The following AGBL4 variants were observed in gnomAD, a reference collection of about 807,000 sequenced individuals.
The protein encoded by AGBL4 is AGBL carboxypeptidase 4, also known as cytosolic carboxypeptidase 6.
A neutral mutation model predicts 66.4 loss-of-function variants in AGBL4; 58 were observed. The observed-to-expected ratio is 0.87, with a 90% CI of 0.71 to 1.09. The LOEUF (loss-of-function observed/expected upper bound fraction) is 1.09. Ranked by LOEUF, AGBL4 falls within the 50% of genes least tolerant of loss-of-function variation. AGBL4 has a pLI of 0.00. For missense variants in AGBL4, 579 were observed against 631.0 expected (o/e 0.92, Z 0.88); for synonymous variants, 234 against 222.9 (o/e 1.05, Z -0.44).
rs893115548 is a variant in AGBL4 at position 49,650,279 on chromosome 1, G to A, written c.282+47034C>T. Among the ~76,000 whole-genome samples, 3 of 152,184 alleles carry A rather than the reference G, an allele frequency of 2.0e-5. No homozygotes were observed. The East Asian group carries it at 5.8e-4, about 29-fold the overall frequency. ...GGAAAAAAGCTGGGGGCACAGAAAA[G>A]GAAGGCAGCAAGAATATGGCAAAGG... is the stretch of plus-strand genomic sequence containing the variant. On this transcript the variant is annotated intron_variant, in intron 3 of 13. Coordinates refer to ENST00000371839, the MANE Select transcript of AGBL4 (RefSeq NM_032785.4).
At position 49,546,783 on chromosome 1, in the gene AGBL4, CTTA is replaced by C. The variant is rs560428803; in HGVS notation, c.282+150527_282+150529del. On this transcript the variant is annotated intron_variant, in intron 3 of 13. Transcript: ENST00000371839. ...GTCATATTGTGCATTGTTTCATATG[CTTA>C]TTAGCCATTTGTATATCTTTTTTTG... Among the ~76,000 whole-genome samples the C allele has an allele frequency of 2.6e-3, 396 of 152,234 alleles. 2 individuals are homozygous for C. The highest frequency in any genetic ancestry group is 8.7e-3 in the African/African-American group (363 of 41,552).
intron 3 of AGBL4, among the ~76,000 whole-genome samples, chr1:49,646,332 C>A (rs537836345): frequency 6.6e-6 from 1 of 151,886 alleles, no homozygotes; most frequent in African/African-American, 2.4e-5. Flanking sequence ...AATAAGTGAG[C>A]TCAGCAAGAT....
intron 12 of AGBL4, among the ~76,000 whole-genome samples, chr1:48,539,240 G>A (rs767805602): frequency 7.2e-5 from 11 of 152,192 alleles, no homozygotes; most frequent in Non-Finnish European, 1.6e-4. Flanking sequence ...AATCATGTAT[G>A]TGAGGACTGC....
intron 3 of AGBL4, among the ~76,000 whole-genome samples, chr1:49,286,944 G>A (rs1404671450): frequency 1.3e-5 from 2 of 151,988 alleles, no homozygotes; most frequent in East Asian, 1.9e-4. Flanking sequence ...GAGGCATCAC[G>A]CTACCTGACT....
chr1:49,224,818 A>C (rs1649780771), intron 4 of AGBL4, among the ~76,000 whole-genome samples: 1 of 152,070 alleles, frequency 6.6e-6, no homozygotes, highest in African/African-American at 2.4e-5. Context: ...GGCTCACTTA[A>C]AAAAGGAGTC....
At chr1:48,597,799 A>AAGAGAAAGAAAGAG (rs149592274) in intron 9 of AGBL4, among the ~76,000 whole-genome samples, 2 of 149,492 alleles carry the variant, frequency 1.3e-5, no homozygotes, top group Non-Finnish European at 3.0e-5. Context: ...GAAGGGAAGA[A>AAGAGAAAGAAAGAG]AGAGAAAGAA....
chr1:49,455,995 G>T lies in AGBL4; in HGVS notation c.283-210131C>A, dbSNP rs565595552. 2.0e-4 allele frequency among the ~76,000 whole-genome samples: 30 copies of T among 151,758 alleles called. 1 individual carries two copies. Among genetic ancestry groups the T allele is most frequent in the African/African-American group, 6.5e-4 (27 of 41,458 alleles). On this transcript the variant is annotated intron_variant, in intron 3 of 13. Transcript: ENST00000371839. ...TATAGATAATGAGGGCAAGAACTTT[G>T]ATTTATTCACTACTACATCTCCAAC...
At chr1:48,577,946 A>G (rs1644680037) in intron 11 of AGBL4, among the ~76,000 whole-genome samples, 1 of 152,194 alleles carries the variant, frequency 6.6e-6, no homozygotes, top group African/African-American at 2.4e-5. Flanking sequence ...AGTGGAGCGA[A>G]CACACACTTT....
chr1:49,733,644 G>T (rs1320888709), intron 2 of AGBL4, among the ~76,000 whole-genome samples: 1 of 152,184 alleles, frequency 6.6e-6, no homozygotes, highest in Non-Finnish European at 1.5e-5. Context: ...CATTGCAACA[G>T]TGATGGGAGG....
At chr1:48,750,632 G>A (rs1651559823) in intron 6 of AGBL4, among the ~76,000 whole-genome samples, 2 of 152,202 alleles carry the variant, frequency 1.3e-5, no homozygotes, top group Admixed American at 6.5e-5. Flanking sequence ...ATTTCTCCGT[G>A]CCTAGCACAG....
chr1:48,632,317 A>C (rs984957668), intron 9 of AGBL4, among the ~76,000 whole-genome samples: 2 of 152,216 alleles, frequency 1.3e-5, no homozygotes, highest in African/African-American at 4.8e-5. Flanking sequence ...TTCATGACGC[A>C]AATCATTTCC....
chr1:49,853,481 G>C (rs1471552337), intron 1 of AGBL4, among the ~76,000 whole-genome samples: 1 of 152,044 alleles, frequency 6.6e-6, no homozygotes, highest in South Asian at 2.1e-4. Flanking sequence ...AAAAACAGCA[G>C]AGCATCCAAG....
At chr1:49,419,562 C>T (rs1284963264) in intron 3 of AGBL4, among the ~76,000 whole-genome samples, 1 of 152,182 alleles carries the variant, frequency 6.6e-6, no homozygotes, top group Non-Finnish European at 1.5e-5. Flanking sequence ...TCATCTCCCA[C>T]GTAGGCATCT....
chr1:49,601,706 G>A (rs1427527137), intron 3 of AGBL4, among the ~76,000 whole-genome samples: 1 of 152,168 alleles, frequency 6.6e-6, no homozygotes, highest in Non-Finnish European at 1.5e-5. Context: ...ATTAACTCAA[G>A]ATGGATTAGA....
At chr1:49,580,262 TC>T (rs945936641) in intron 3 of AGBL4, among the ~76,000 whole-genome samples, 1 of 152,198 alleles carries the variant, frequency 6.6e-6, no homozygotes, top group African/African-American at 2.4e-5. Flanking sequence ...TTTTTTAAAA[TC>T]CATTCAGACA....
the AGBL4 span, among the ~76,000 whole-genome samples, chr1:48,524,672 T>G: frequency 6.6e-6 from 1 of 152,236 alleles, no homozygotes; most frequent in Admixed American, 6.5e-5. Context: ...ATCTGTCATC[T>G]AATATTCAGT....
intron 2 of AGBL4, among the ~76,000 whole-genome samples, chr1:49,714,678 A>G (rs1647956556): frequency 6.6e-6 from 1 of 151,326 alleles, no homozygotes; most frequent in South Asian, 2.1e-4. Context: ...TCATCCATTC[A>G]TGGACTCTTG....
At chr1:49,314,231 C>T (rs1644996392) in intron 3 of AGBL4, among the ~76,000 whole-genome samples, 1 of 152,030 alleles carries the variant, frequency 6.6e-6, no homozygotes, top group Non-Finnish European at 1.5e-5. Flanking sequence ...GTCTATGTAT[C>T]TGTTACTTTT....
At chr1:49,525,786 G>A (rs1439686717) in intron 3 of AGBL4, among the ~76,000 whole-genome samples, 1 of 151,962 alleles carries the variant, frequency 6.6e-6, no homozygotes, top group African/African-American at 2.4e-5. Flanking sequence ...AATGATGGCT[G>A]CATAAACATT....
Sources: gnomAD v4.1 joint callset for allele counts (sites outside exome capture counted in the v4.1 genomes callset) on GRCh38, gnomAD v4.1.1 for gene constraint, MANE v1.5 for transcripts, NCBI Gene and HGNC (gene_info 2026-07-23, HGNC 2026-07-21) for gene names.